The following CEP128 variants were observed in gnomAD, a reference collection of about 807,000 sequenced individuals.
CEP128 encodes centrosomal protein 128.
In CEP128, 132 loss-of-function variants were observed where a neutral mutation model predicts 156.7. The observed-to-expected ratio is 0.84, with a 90% CI of 0.73 to 0.97. CEP128 has a LOEUF of 0.97. Ranked by LOEUF, CEP128 falls within the 50% of genes least tolerant of loss-of-function variation. The pLI is 0.00. For missense variants in CEP128, 1,252 were observed against 1,281.9 expected, an observed-to-expected ratio of 0.98 and a Z score of 0.36; for synonymous variants, 469 against 448.9, an observed-to-expected ratio of 1.04 and a Z score of -0.57.
chr14:80,783,090 A>G (rs1466183762), intron 15 of CEP128, among the ~76,000 whole-genome samples: 2 of 152,126 alleles, frequency 1.3e-5, no homozygotes, highest in African/African-American at 4.8e-5. Flanking sequence ...CCTACTAATT[A>G]TTATGTACTA....
intron 19 of CEP128, among the ~76,000 whole-genome samples, chr14:80,595,418 C>G (rs1438354230): frequency 6.6e-6 from 1 of 151,980 alleles, no homozygotes; most frequent in Non-Finnish European, 1.5e-5. Flanking sequence ...ACCTGTATAC[C>G]TATATAACAA....
chr14:80,862,627 T>C (rs1224816946), intron 9 of CEP128, 130 bp downstream of exon 9: 1 of 682,832 alleles, frequency 1.5e-6, no homozygotes, highest in East Asian at 2.6e-5. Context: ...CACTGAACTA[T>C]AACCAATATG....
intron 9 of CEP128, among the ~76,000 whole-genome samples, chr14:80,855,770 T>C (rs1887121036): frequency 6.6e-6 from 1 of 152,140 alleles, no homozygotes; most frequent in Non-Finnish European, 1.5e-5. Flanking sequence ...CAGGTTAGAA[T>C]ATTTGCCTGA....
At chr14:80,911,292 A>G (rs760110612) in intron 4 of CEP128, among the ~76,000 whole-genome samples, 39 of 152,320 alleles carry the variant, frequency 2.6e-4, no homozygotes, top group Non-Finnish European at 4.9e-4. Flanking sequence ...TGGGCCCCGG[A>G]GTTCAAGACC....
intron 20 of CEP128, among the ~76,000 whole-genome samples, chr14:80,561,880 G>A (rs572576362): frequency 1.3e-3 from 176 of 133,154 alleles, no homozygotes; most frequent in African/African-American, 5.1e-3. Flanking sequence ...ACTCCATTTT[G>A]TTGAAATACG....
chr14:80,670,226 G>A (rs144386241), intron 19 of CEP128, among the ~76,000 whole-genome samples: 2,145 of 152,194 alleles, frequency 0.014, 24 homozygotes, highest in Non-Finnish European at 0.02. Flanking sequence ...GGCAAATATC[G>A]AAACTATATT....
intron 2 of CEP128, among the ~76,000 whole-genome samples, chr14:80,953,272 A>G (rs941388952): frequency 6.6e-6 from 1 of 152,226 alleles, no homozygotes; most frequent in African/African-American, 2.4e-5. Context: ...AGCAAATCCA[A>G]TGAAGGAGTA....
intron 8 of CEP128, chr14:80,894,549 C>CAA (rs34375242): frequency 0.02 from 7,848 of 390,218 alleles, 131 homozygotes; most frequent in African/African-American, 0.065. Context: ...GAACTTTATG[C>CAA]AAAAAAAAAA....
chr14:80,753,325 GA>G (rs35723168), intron 18 of CEP128, among the ~76,000 whole-genome samples: 52,201 of 151,922 alleles, frequency 0.34, 9,400 homozygotes, highest in South Asian at 0.48. Context: ...AGGCCAAGAA[GA>G]AAAAGTATAG....
At chr14:80,743,764 G>A (rs1898954511) in intron 18 of CEP128, among the ~76,000 whole-genome samples, 1 of 152,088 alleles carries the variant, frequency 6.6e-6, no homozygotes, top group Admixed American at 6.6e-5. Flanking sequence ...AAGATATAGA[G>A]TTAATGTTTA....
chr14:80,856,789 G>A (rs1240975769), intron 9 of CEP128, among the ~76,000 whole-genome samples: 4 of 131,316 alleles, frequency 3.0e-5, no homozygotes, highest in African/African-American at 1.2e-4. Context: ...GGAGTGCAGT[G>A]GTACAATTCC....
chr14:80,733,339 CGTGTGTGT>C (rs55964142), intron 19 of CEP128, among the ~76,000 whole-genome samples: 41,841 of 140,124 alleles, frequency 0.3, 6,993 homozygotes, highest in Non-Finnish European at 0.39. Flanking sequence ...CCACATGGGT[CGTGTGTGT>C]GTGTGTGTGT....
intron 21 of CEP128, among the ~76,000 whole-genome samples, chr14:80,544,150 T>G (rs182028182): frequency 2.0e-5 from 3 of 152,172 alleles, no homozygotes; most frequent in Non-Finnish European, 2.9e-5. Context: ...CTCAAGAACA[T>G]TCTTTGGGTT....
intron 3 of CEP128, among the ~76,000 whole-genome samples, chr14:80,915,119 A>G (rs538753692): frequency 2.6e-5 from 4 of 152,292 alleles, no homozygotes; most frequent in Non-Finnish European, 4.4e-5. Flanking sequence ...TGGCATGATC[A>G]TGGCTCACTG....
intron 8 of CEP128, among the ~76,000 whole-genome samples, chr14:80,883,711 C>T (rs1447745841): frequency 1.3e-5 from 2 of 151,922 alleles, no homozygotes; most frequent in Non-Finnish European, 2.9e-5. Flanking sequence ...ACATTCTTCA[C>T]TGAAATAGAA....
intron 19 of CEP128, among the ~76,000 whole-genome samples, chr14:80,673,597 G>T (rs1239119972): frequency 1.8e-5 from 2 of 110,828 alleles, no homozygotes; most frequent in Non-Finnish European, 3.3e-5. Context: ...AGTGAGCCGA[G>T]ATCCCGCCAC....
intron 24 of CEP128, among the ~76,000 whole-genome samples, chr14:80,500,052 A>T (rs1008382072): frequency 1.3e-5 from 2 of 152,182 alleles, no homozygotes; most frequent in Non-Finnish European, 1.5e-5. Context: ...CAATTTATAC[A>T]TTTCTTCCCT....
intron 19 of CEP128, among the ~76,000 whole-genome samples, chr14:80,689,658 T>C (rs1324741301): frequency 6.6e-6 from 1 of 152,146 alleles, no homozygotes; most frequent in East Asian, 1.9e-4. Context: ...GTTTAAACAA[T>C]ACTGTTGTAC....
chr14:80,659,193 C>T (rs1339114310), intron 19 of CEP128, among the ~76,000 whole-genome samples: 1 of 151,992 alleles, frequency 6.6e-6, no homozygotes, highest in Non-Finnish European at 1.5e-5. Context: ...ACAAATAGGT[C>T]ATAGTTCAGT....
Sources: allele counts gnomAD v4.1 joint callset (sites outside exome capture counted in the v4.1 genomes callset), GRCh38; gene constraint gnomAD v4.1.1; transcripts MANE v1.5; gene names NCBI Gene and HGNC (gene_info 2026-07-23, HGNC 2026-07-21).